DMD: variants seen among roughly 807,000 people sequenced by gnomAD.
The protein encoded by DMD is dystrophin, also known as mutant dystrophin.
Under a neutral mutation model 330.1 loss-of-function variants are expected in DMD, and 63 were observed. The ratio of observed to expected loss-of-function variants is 0.19; its 90% CI spans 0.16 to 0.24. DMD has a LOEUF of 0.24. DMD is among the 10% of genes least tolerant of loss of function. The pLI is 1.00. For synonymous variants in DMD, 1,223 were observed against 959.8 expected (o/e 1.27, Z -5.07); for missense variants, 3,344 against 2,684.1 (o/e 1.25, Z -5.43).
intron 16 of DMD, among the ~76,000 whole-genome samples, chrX:32,563,461 T>C (rs1410972107): frequency 9.0e-6 from 1 of 110,938 alleles, no homozygotes; most frequent in African/African-American, 3.3e-5. Context: ...TTCTTGTCTA[T>C]GCCTCCATTT....
chrX:33,034,284 T>C (rs1281048763), intron 1 of DMD, among the ~76,000 whole-genome samples: 1 of 111,862 alleles, frequency 8.9e-6, no homozygotes, highest in Admixed American at 9.5e-5. Context: ...TCGAATTTTC[T>C]AATTTAAAGA....
At chrX:33,007,537 T>A (rs1018386811) in intron 2 of DMD, among the ~76,000 whole-genome samples, 2 of 111,578 alleles carry the variant, frequency 1.8e-5, no homozygotes, top group African/African-American at 6.5e-5. Context: ...TGTCACTCTC[T>A]GAAATTCTAT....
intron 63 of DMD, among the ~76,000 whole-genome samples, chrX:31,242,930 G>A (rs776940950): frequency 1.8e-5 from 2 of 111,267 alleles, no homozygotes; most frequent in South Asian, 3.8e-4. Context: ...TTCCACCACC[G>A]GCCACAAGTA....
intron 1 of DMD, among the ~76,000 whole-genome samples, chrX:33,070,805 T>C (rs1473191037): frequency 9.4e-6 from 1 of 106,017 alleles, no homozygotes; most frequent in African/African-American, 3.4e-5. Context: ...GAAAACACAA[T>C]TATTCTAAGA....
chrX:33,120,618 C>T (rs1004794009), intron 1 of DMD, among the ~76,000 whole-genome samples: 5 of 111,204 alleles, frequency 4.5e-5, no homozygotes, highest in Non-Finnish European at 9.4e-5. Context: ...CAGTGGCTCA[C>T]GCCTGTAATC....
chrX:31,260,753 A>G (rs1443177595), intron 63 of DMD, among the ~76,000 whole-genome samples: 2 of 112,305 alleles, frequency 1.8e-5, no homozygotes, highest in African/African-American at 3.2e-5. Flanking sequence ...TTAGGAATCA[A>G]TCAACTTCTA....
chrX:33,218,111 A>G (rs1367476644), intron 1 of DMD, among the ~76,000 whole-genome samples: 1 of 111,512 alleles, frequency 9.0e-6, no homozygotes, highest in Non-Finnish European at 1.9e-5. Flanking sequence ...GTTCTCCTCC[A>G]TTGTTAGTTT....
intron 55 of DMD, among the ~76,000 whole-genome samples, chrX:31,613,782 T>C (rs757322618): frequency 9.0e-6 from 1 of 111,391 alleles, no homozygotes; most frequent in African/African-American, 3.3e-5. Context: ...TTTGGGGTAG[T>C]TCCATATCTT....
At chrX:32,278,392 C>T (rs12400794) in intron 43 of DMD, among the ~76,000 whole-genome samples, 27,556 of 110,173 alleles carry the variant, frequency 0.25, 2,558 homozygotes, top group Middle Eastern at 0.33. Context: ...AATATTGATG[C>T]AAAATTGATG....
At chrX:31,574,515 A>G (rs2076000809) in intron 55 of DMD, among the ~76,000 whole-genome samples, 1 of 111,620 alleles carries the variant, frequency 9.0e-6, no homozygotes, top group Non-Finnish European at 1.9e-5. Flanking sequence ...AAGTCTATCA[A>G]CAAGGAAACT....
At chrX:32,732,427 C>G (rs991808220) in intron 7 of DMD, among the ~76,000 whole-genome samples, 2 of 110,173 alleles carry the variant, frequency 1.8e-5, no homozygotes, top group Admixed American at 1.9e-4. Context: ...CAAAGATACT[C>G]CTCGAGAAGA....
intron 9 of DMD, among the ~76,000 whole-genome samples, chrX:32,660,302 G>A (rs978134634): frequency 1.4e-4 from 16 of 110,790 alleles, no homozygotes; most frequent in African/African-American, 5.2e-4. Flanking sequence ...CTGATTTGGT[G>A]AAGATACTAG....
intron 7 of DMD, among the ~76,000 whole-genome samples, chrX:32,781,781 C>G (rs1009708692): frequency 9.0e-6 from 1 of 111,295 alleles, no homozygotes; most frequent in African/African-American, 3.3e-5. Flanking sequence ...TTACCTATCT[C>G]AGAGAGAAAA....
intron 54 of DMD, among the ~76,000 whole-genome samples, chrX:31,636,616 C>T (rs1401682828): frequency 9.0e-6 from 1 of 111,431 alleles, no homozygotes; most frequent in Non-Finnish European, 1.9e-5. Context: ...TAAGACATTA[C>T]CTCTCAAGGT....
chrX:31,319,454 T>C (rs1468132733), intron 62 of DMD, among the ~76,000 whole-genome samples: 3 of 112,381 alleles, frequency 2.7e-5, no homozygotes, highest in Non-Finnish European at 3.8e-5. Context: ...AATGCCTATA[T>C]TTATATAGAA....
intron 62 of DMD, among the ~76,000 whole-genome samples, chrX:31,279,129 C>T (rs936372664): frequency 1.8e-5 from 2 of 111,753 alleles, no homozygotes; most frequent in African/African-American, 6.5e-5. Context: ...ATTAAATTCC[C>T]AGTACTAATA....
At chrX:31,789,202 A>G (rs1170714630) in intron 50 of DMD, among the ~76,000 whole-genome samples, 1 of 111,355 alleles carries the variant, frequency 9.0e-6, no homozygotes, top group African/African-American at 3.3e-5. Context: ...TGTTTTGCTC[A>G]GTAGTATACT....
chrX:32,039,293 T>C (rs1019591224), intron 44 of DMD, among the ~76,000 whole-genome samples: 34 of 111,494 alleles, frequency 3.0e-4, no homozygotes, highest in Non-Finnish European at 5.5e-4. Flanking sequence ...GAGAAAGGAA[T>C]ACATTTCTCC....
At chrX:31,518,823 A>G (rs2072490401) in intron 55 of DMD, among the ~76,000 whole-genome samples, 1 of 111,436 alleles carries the variant, frequency 9.0e-6, no homozygotes, top group African/African-American at 3.3e-5. Flanking sequence ...AGTTGTTGTT[A>G]TGTGGCAGAA....
Sources: gnomAD v4.1 joint callset for allele counts (sites outside exome capture counted in the v4.1 genomes callset) on GRCh38, gnomAD v4.1.1 for gene constraint, MANE v1.5 for transcripts, NCBI Gene and HGNC (gene_info 2026-07-23, HGNC 2026-07-21) for gene names.